The following POGZ variants were observed in gnomAD, a reference collection of about 807,000 sequenced individuals.
POGZ encodes pogo transposable element derived with ZNF domain.
Under a neutral mutation model 134.6 loss-of-function variants are expected in POGZ, and 17 were observed. The observed-to-expected ratio is 0.13, with a 90% CI of 0.09 to 0.19. POGZ has a LOEUF of 0.19. POGZ is among the 10% of genes least tolerant of loss of function. The pLI is 1.00. For missense variants in POGZ, 1,306 were observed against 1,769.7 expected, an observed-to-expected ratio of 0.74 and a Z score of 4.70; for synonymous variants, 693 against 657.1, an observed-to-expected ratio of 1.05 and a Z score of -0.84.
chr1:151,403,205 AAAAC>A lies in POGZ; in HGVS notation c.*1593_*1596del, dbSNP rs767411277. ...ATATTATAGTGTGCTGGGGGATGAA[AAAAC>A]AAACAAACAAAAAAGCAGGGTGGGG... On this transcript the variant is annotated 3_prime_UTR_variant, in exon 19 of 19. Transcript: ENST00000271715. 2.7e-4 allele frequency: 265 copies of A among 985,710 alleles called. 1 individual carries two copies. Among genetic ancestry groups the A allele is most frequent in the Admixed American group, 7.4e-4 (12 of 16,274 alleles). 61.1% of individuals were successfully genotyped at this position (985,710 alleles called of 1,614,324 possible).
rs190228350 is a variant in POGZ at position 151,436,234 on chromosome 1, G to A, written c.283+4694C>T. Among the ~76,000 whole-genome samples, 630 of 152,064 alleles carry A rather than the reference G, an allele frequency of 4.1e-3. 5 individuals are homozygous for A. The highest frequency in any genetic ancestry group is 0.013 in the African/African-American group (549 of 41,494). ...TGGCTTCCCAAAGTGCTAGGATTAC[G>A]GGCGTGAGCCACCGCGCCTGGCCTA... On this transcript the variant is annotated intron_variant, in intron 3 of 18. Transcript: ENST00000271715.
intron 10 of POGZ, among the ~76,000 whole-genome samples, chr1:151,418,806 A>G (rs2102239691): frequency 6.6e-6 from 1 of 151,646 alleles, no homozygotes; most frequent in African/African-American, 2.4e-5. Flanking sequence ...TGGGTGGATC[A>G]CGAGGTCAGG....
At position 151,403,246 on chromosome 1, in the gene POGZ, G is replaced by GTAC. The variant is rs1223640555; in HGVS notation, c.*1555_*1556insGTA. 3 of 985,588 alleles carry GTAC rather than the reference G, an allele frequency of 3.0e-6. No individual in the cohort carries two copies. In the African/African-American group the frequency reaches 5.2e-5, roughly 17 times the overall value. The allele number at this position is 985,588 out of a possible 1,614,324, so 61.1% of individuals were successfully genotyped here. Reference sequence around the variant, plus strand: ...AAAGCAGGGTGGGGTGGGAGAAATGGGTGGTAACAAATGTCACACCTGTAC... The same window carrying GTAC: ...AAAGCAGGGTGGGGTGGGAGAAATGGTACGTGGTAACAAATGTCACACCTGTAC... On this transcript the variant is annotated 3_prime_UTR_variant, in exon 19 of 19. Transcript: ENST00000271715.
intron 1 of POGZ, among the ~76,000 whole-genome samples, chr1:151,447,753 G>C (rs187578424): frequency 6.9e-6 from 1 of 145,560 alleles, no homozygotes; most frequent in East Asian, 2.1e-4. Context: ...GATTCCCAAA[G>C]TGCTGGGATT....
chr1:151,428,447 C>T (rs772445078), intron 5 of POGZ, 34 bp from the exon 6 acceptor site: 2 of 1,598,096 alleles, frequency 1.3e-6, no homozygotes, highest in Non-Finnish European at 1.7e-6. Context: ...AGATCTTGGT[C>T]AGTGAGCTCA....
At position 151,404,355 on chromosome 1, in the gene POGZ, A is replaced by G. The variant is rs1557860490; in HGVS notation, c.*447T>C. On this transcript the variant is annotated 3_prime_UTR_variant, in exon 19 of 19. Coordinates refer to ENST00000271715, the MANE Select transcript of POGZ (RefSeq NM_015100.4). ...CAGAAATGTTCTCACATTAACAATGATTAGATAGCATCATGCCCAAAGACA... is the reference window on the plus strand; with the variant it reads ...CAGAAATGTTCTCACATTAACAATGGTTAGATAGCATCATGCCCAAAGACA... 3.0e-6 allele frequency: 3 copies of G among 986,206 alleles called. No individual in the cohort carries two copies. The highest frequency in any genetic ancestry group is 9.3e-5 in the South Asian group (2 of 21,412). 61.1% of individuals were successfully genotyped at this position (986,206 alleles called of 1,614,324 possible). A position where few individuals can be genotyped will look rare whatever the true frequency, so the allele number is the denominator to read the frequency against.
At chr1:151,418,728 GA>G (rs1378622266) in intron 10 of POGZ, among the ~76,000 whole-genome samples, 2 of 151,212 alleles carry the variant, frequency 1.3e-5, no homozygotes, top group Non-Finnish European at 3.0e-5. Flanking sequence ...TCTTTTTTTT[GA>G]AAAAGCTACT....
At position 151,427,872 on chromosome 1, in the gene POGZ, G is replaced by C; in HGVS notation, c.1029C>G (p.Ser343Arg). Residue 343 changes from serine (S) to arginine (R), a missense_variant, in exon 7 of 19, where the codon AGC (serine) becomes AGG (arginine). Ser to Arg is a moderately radical substitution (Grantham distance 110, BLOSUM62 -1). This residue lies in a region of POGZ where 541 missense variants were observed against 680.5 expected (regional missense o/e 0.80). Transcript: ENST00000271715. ...TGGTTCTTTGAGAGCCATGAGCAGA[G>C]CTGTTGTTGGACACCACCACTGGCC... Reference protein sequence around the residue: ...SPGPVVVSNNSSAHGSQRTSG... With the variant: ...SPGPVVVSNNRSAHGSQRTSG... 1 of 1,614,108 alleles carries C rather than the reference G, an allele frequency of 6.2e-7. No homozygotes were observed. The highest frequency in any genetic ancestry group is 8.5e-7 in the Non-Finnish European group (1 of 1,179,968).
chr1:151,421,470 C>T (rs1237897571), intron 10 of POGZ, among the ~76,000 whole-genome samples: 1 of 152,076 alleles, frequency 6.6e-6, no homozygotes, highest in East Asian at 1.9e-4. Flanking sequence ...TACTGTAAGC[C>T]ATTAATGTCA....
intron 12 of POGZ, among the ~76,000 whole-genome samples, chr1:151,410,605 C>A (rs1451387379): frequency 2.0e-5 from 3 of 152,162 alleles, no homozygotes; most frequent in Non-Finnish European, 4.4e-5. Flanking sequence ...TTGGGGGGCC[C>A]ATGGTATTTA....
chr1:151,446,477 C>T (rs1391800328), intron 1 of POGZ, among the ~76,000 whole-genome samples: 11 of 151,952 alleles, frequency 7.2e-5, no homozygotes, highest in African/African-American at 1.5e-4. Flanking sequence ...GGAAAACGGC[C>T]GGGCGCGGTT....
Position 151,406,268 on chromosome 1 carries a change from G to A in POGZ, c.2767C>T (p.His923Tyr), listed in dbSNP as rs763105747. The A allele has an allele frequency of 4.3e-6, 7 of 1,613,032 alleles. No homozygotes were observed. Among genetic ancestry groups the A allele is most frequent in the Non-Finnish European group, 5.9e-6 (7 of 1,179,340 alleles). The change falls in exon 19 of 19, where the codon CAC becomes TAC. Residue 923 changes from histidine (H) to tyrosine (Y), a missense_variant. His to Tyr is a moderately conservative substitution (Grantham distance 83). Around this residue, in one of 10 missense-constraint regions of POGZ, gnomAD observed 214 missense variants for 255.5 expected, o/e 0.84. Transcript: ENST00000271715. ...STATPPPTPT[H>Y]PQALALPPLA... The stretch of plus-strand genomic sequence containing the variant: ...GGTGGAAGGGCTAAAGCCTGCGGGT[G>A]AGTGGGGGTTGGTGGTGGGGTTGCA...
chr1:151,423,458 A>T lies in POGZ; in HGVS notation c.1617T>A (p.Phe539Leu), dbSNP rs1657274852. The change falls in exon 10 of 19, where the codon TTT becomes TTA. Residue 539 changes from phenylalanine (F) to leucine (L), a missense_variant. Phe to Leu is a conservative substitution (Grantham distance 22). This residue lies in a region of POGZ where 541 missense variants were observed against 680.5 expected (regional missense o/e 0.80). Transcript: ENST00000271715. ...HTICQHCYRQ[F>L]STPFQLQCHL... The stretch of plus-strand genomic sequence containing the variant: ...GGCACTGAAGCTGGAAGGGAGTGGA[A>T]AACTGGCGGTAACAGTGCTGGCAGA... 6.2e-7 allele frequency: 1 copy of T among 1,613,984 alleles called. No homozygotes were observed. Among genetic ancestry groups the T allele is most frequent in the East Asian group, 2.2e-5 (1 of 44,900 alleles).
At chr1:151,447,199 A>G (rs1661399851) in intron 1 of POGZ, among the ~76,000 whole-genome samples, 4 of 152,062 alleles carry the variant, frequency 2.6e-5, no homozygotes, top group African/African-American at 9.7e-5. Flanking sequence ...CAGCCTGGCC[A>G]ACACGGTGAA....
Position 151,408,831 on chromosome 1 carries a change from G to T in POGZ, c.1927-3C>A. On this transcript the variant is annotated splice_region_variant and splice_polypyrimidine_tract_variant and intron_variant, in intron 12 of 18. Transcript: ENST00000271715. ...TTGCAGTGATAAACATTTCTCTTCT[G>T]AAGTGGGGGAGGGAAAAAAAGAGAC... 6.5e-7 allele frequency: 1 copy of T among 1,549,848 alleles called. No individual in the cohort carries two copies. Among genetic ancestry groups the T allele is most frequent in the Non-Finnish European group, 8.8e-7 (1 of 1,139,962 alleles).
At chr1:151,458,802 G>C (rs1338260337) in intron 1 of POGZ, among the ~76,000 whole-genome samples, 1 of 145,606 alleles carries the variant, frequency 6.9e-6, no homozygotes, top group Non-Finnish European at 1.5e-5. Context: ...GGGGCCGTGG[G>C]GCGCGAGTGC....
At chr1:151,426,931 G>C (rs192327973) in intron 7 of POGZ, 31 of 152,074 alleles carry the variant, frequency 2.0e-4, no homozygotes, top group African/African-American at 7.5e-4. Flanking sequence ...TACTTTTTTT[G>C]AGACAGGGTG....
chr1:151,436,238 G>C (rs142259221), intron 3 of POGZ, among the ~76,000 whole-genome samples: 1 of 152,068 alleles, frequency 6.6e-6, no homozygotes, highest in Non-Finnish European at 1.5e-5. Context: ...GATTACGGGC[G>C]TGAGCCACCG....
intron 1 of POGZ, among the ~76,000 whole-genome samples, chr1:151,454,357 A>G (rs889555353): frequency 6.6e-6 from 1 of 152,224 alleles, no homozygotes; most frequent in Non-Finnish European, 1.5e-5. Context: ...ATAGGGCTGA[A>G]TACTTAATCT....
Sources: allele counts gnomAD v4.1 joint callset (sites outside exome capture counted in the v4.1 genomes callset), GRCh38; gene constraint gnomAD v4.1.1; regional missense constraint gnomAD v4.1.1; transcripts MANE v1.5; gene names NCBI Gene and HGNC (gene_info 2026-07-23, HGNC 2026-07-21).